SIRT2: variants seen among roughly 807,000 people sequenced by gnomAD.
SIRT2 encodes sirtuin 2.
SIRT2 carries 40 observed loss-of-function variants against 57.4 expected under a neutral mutation model. The observed-to-expected ratio is 0.70, with a 90% confidence interval of 0.54 to 0.91. The LOEUF (loss-of-function observed/expected upper bound fraction) is 0.91. Ranked by LOEUF, SIRT2 falls within the 40% of genes least tolerant of loss-of-function variation. The pLI is 0.00. For missense variants in SIRT2, 439 were observed against 510.4 expected (o/e 0.86, Z 1.35); for synonymous variants, 161 against 195.7 (o/e 0.82, Z 1.48).
At chr19:38,889,617 C>T (rs1351794599) in intron 7 of SIRT2, 72 bp downstream of exon 7, 3 of 1,556,132 alleles carry the variant, frequency 1.9e-6, no homozygotes, top group Non-Finnish European at 2.7e-6. Flanking sequence ...TCTGCAGGGC[C>T]TTGGCGGGGC....
rs1228808531 is a variant in SIRT2 at position 38,879,106 on chromosome 19, G to C, written c.*49C>G. The C allele has an allele frequency of 2.2e-5, 34 of 1,516,110 alleles. No individual in the cohort carries two copies. The highest frequency in any genetic ancestry group is 2.6e-5 in the Non-Finnish European group (29 of 1,136,504). 93.9% of individuals were successfully genotyped at this position (1,516,110 alleles called of 1,614,324 possible). On this transcript the variant is annotated 3_prime_UTR_variant, in exon 16 of 16. Coordinates refer to ENST00000249396, the MANE Select transcript of SIRT2 (RefSeq NM_012237.4). ...TAAGAGGGGGCCAGGCCCGGTTGGG[G>C]CTCAGCTGTCCCTGAGGAGCTCGGC...
In SIRT2 at chr19:38,899,528, G is replaced by A. The variant is rs761227715; in HGVS notation, c.-7C>T. On this transcript the variant is annotated 5_prime_UTR_variant, in exon 1 of 16. Transcript: ENST00000249396. ...CACGGTCTGGCTCTGCCATGGGCGC[G>A]GTGCTGAAGCCCTTGAGGCTGTCAC... 3 of 1,613,642 alleles carry A rather than the reference G, an allele frequency of 1.9e-6. No individual in the cohort carries two copies. Among genetic ancestry groups the A allele is most frequent in the South Asian group, 1.1e-5 (1 of 91,090 alleles).
intron 8 of SIRT2, among the ~76,000 whole-genome samples, chr19:38,884,208 G>A (rs1568398071): frequency 6.6e-6 from 1 of 151,550 alleles, no homozygotes; most frequent in Non-Finnish European, 1.5e-5. Flanking sequence ...TGCAAATTCA[G>A]GCCATTTGCT....
rs760845638 is a variant in SIRT2, at chr19:38,889,074, C to T, written c.501+13G>A. On this transcript the variant is annotated intron_variant, in intron 8 of 15. Transcript: ENST00000249396. ...CCGCCCATCCTCCTCCCAGGATGCT[C>T]GCATCCGCCTACCTGCGTGTAGCAG... 1.1e-5 allele frequency: 17 copies of T among 1,609,780 alleles called. No individual in the cohort carries two copies. Among genetic ancestry groups the T allele is most frequent in the Admixed American group, 1.7e-5 (1 of 59,996 alleles).
At position 38,881,020 on chromosome 19, in the gene SIRT2, AGGGCCCAGGCTGCCCCCATG is replaced by A. The variant is rs2144667700; in HGVS notation, c.747+60_747+79del. On this transcript the variant is annotated intron_variant, in intron 11 of 15. Coordinates refer to ENST00000249396, the MANE Select transcript of SIRT2 (RefSeq NM_012237.4). ...CTGGGGAGGTGACCTTTCCTGAGGC[AGGGCCCAGGCTGCCCCCATG>A]GGGCCCAGCACAGGTGGAGGCGGCG... 10 of 1,549,714 alleles carry A rather than the reference AGGGCCCAGGCTGCCCCCATG, an allele frequency of 6.5e-6. No individual in the cohort carries two copies. The East Asian group carries it at 6.8e-5, about 11-fold the overall frequency.
intron 4 of SIRT2, among the ~76,000 whole-genome samples, chr19:38,893,049 C>T (rs886713407): frequency 1.3e-5 from 2 of 151,786 alleles, no homozygotes; most frequent in African/African-American, 4.8e-5. Flanking sequence ...TTGACTCAAC[C>T]GGGACCAATG....
intron 1 of SIRT2, chr19:38,899,008 A>G (rs771513498): frequency 3.1e-5 from 6 of 191,572 alleles, no homozygotes; most frequent in Non-Finnish European, 5.6e-5. Context: ...GGTTAGATTT[A>G]CAAGGCAGAG....
At chr19:38,885,642 G>A (rs1429159363) in intron 8 of SIRT2, among the ~76,000 whole-genome samples, 3 of 149,618 alleles carry the variant, frequency 2.0e-5, no homozygotes, top group African/African-American at 4.9e-5. Context: ...CCAGGCTGGA[G>A]TGCAGTGGCG....
At chr19:38,881,374 G>A (rs1973149036) in intron 10 of SIRT2, 58 bp downstream of exon 10, 1 of 1,498,748 alleles carries the variant, frequency 6.7e-7, no homozygotes, top group African/African-American at 1.4e-5. Flanking sequence ...AGGGGGTCAG[G>A]GGGAGGAGGG....
rs757226911 is a variant in SIRT2, at chr19:38,893,849, CAG to C, written c.80_81del (p.Ser27Ter). The C allele has an allele frequency of 2.5e-6, 4 of 1,614,160 alleles. No individual in the cohort carries two copies. The East Asian group carries it at 6.7e-5, about 27-fold the overall frequency. ...GCTTCTCCACCAGCGGCTCCTCCCTCAGAGTCTGAATCTGAGTCCTGGAAGGG... is the reference window on the plus strand; with the variant it reads ...GCTTCTCCACCAGCGGCTCCTCCCTCAGTCTGAATCTGAGTCCTGGAAGGG... ...VQEAQDSDSD[S>X]EGGAAGGEAD... On this transcript the variant is annotated frameshift_variant, in exon 3 of 16. Coordinates refer to ENST00000249396, the MANE Select transcript of SIRT2 (RefSeq NM_012237.4). LOFTEE classifies it high-confidence loss of function.
At chr19:38,887,118 C>T (rs536437086) in intron 8 of SIRT2, among the ~76,000 whole-genome samples, 17 of 151,854 alleles carry the variant, frequency 1.1e-4, no homozygotes, top group Non-Finnish European at 1.8e-4. Context: ...TTGTATTTTT[C>T]GTAGAGATGG....
chr19:38,883,167 G>A (rs1240657704), intron 9 of SIRT2, among the ~76,000 whole-genome samples: 2 of 141,508 alleles, frequency 1.4e-5, no homozygotes, highest in East Asian at 4.3e-4. Context: ...TGCAGCCTCC[G>A]CCTCCCAGGT....
At position 38,893,430 on chromosome 19, in the gene SIRT2, G is replaced by C; in HGVS notation, c.210C>G (p.Tyr70Ter). ...GGGACTCACAGCGTTCGCTCTGCAT[G>C]TACCGGGCCACCCCTTCCAAGGTCA... Reference protein sequence around the residue: ...DELTLEGVARYMQSERCRRVI... With the variant: ...DELTLEGVAR The change falls in exon 4 of 16, where the codon TAC (tyrosine) becomes TAG (stop). Residue 70 changes from tyrosine (Y) to a stop codon, truncating the protein, a stop_gained. Transcript: ENST00000249396. LOFTEE classifies it high-confidence loss of function. 1 of 1,612,850 alleles carries C rather than the reference G, an allele frequency of 6.2e-7. No homozygotes were observed. Among genetic ancestry groups the C allele is most frequent in the South Asian group, 1.1e-5 (1 of 91,058 alleles).
In SIRT2 at chr19:38,899,528, G is replaced by T; in HGVS notation, c.-7C>A. ...CACGGTCTGGCTCTGCCATGGGCGC[G>T]GTGCTGAAGCCCTTGAGGCTGTCAC... On this transcript the variant is annotated 5_prime_UTR_variant, in exon 1 of 16. Transcript: ENST00000249396. 6.2e-7 allele frequency: 1 copy of T among 1,613,760 alleles called. No individual in the cohort carries two copies. Among genetic ancestry groups the T allele is most frequent in the Non-Finnish European group, 8.5e-7 (1 of 1,179,974 alleles).
chr19:38,891,409 C>T (rs553948770), intron 4 of SIRT2, among the ~76,000 whole-genome samples: 32 of 152,164 alleles, frequency 2.1e-4, no homozygotes, highest in African/African-American at 6.7e-4. Context: ...ATTAGCCGGG[C>T]GTGGTGGCAC....
In SIRT2 at chr19:38,879,414, G is replaced by T; in HGVS notation, c.1014+20C>A. 1 of 1,589,470 alleles carries T rather than the reference G, an allele frequency of 6.3e-7. No individual in the cohort carries two copies. Among genetic ancestry groups the T allele is most frequent in the Non-Finnish European group, 8.6e-7 (1 of 1,167,680 alleles). ...CCAGGGATGGGGCTCAGGACAGGCT[G>T]GGGTTGCTCAGCTCCTCACCTTCCA... On this transcript the variant is annotated intron_variant, in intron 15 of 15. Transcript: ENST00000249396.
chr19:38,889,215 G>A (rs11879010), intron 7 of SIRT2, 60 bp from the exon 8 acceptor site: 124,988 of 1,488,864 alleles, frequency 0.084, 8,271 homozygotes, highest in East Asian at 0.37. Flanking sequence ...GGCCACTGCC[G>A]CATGCCAGGA....
Position 38,879,171 on chromosome 19 carries a change from C to T in SIRT2, c.1154G>A (p.Arg385Lys). 6.3e-7 allele frequency: 1 copy of T among 1,575,294 alleles called. No homozygotes were observed. The highest frequency in any genetic ancestry group is 8.6e-7 in the Non-Finnish European group (1 of 1,167,594). Reference sequence around the variant, plus strand: ...ATGCAGCTGTCACTGGGGTTTCTCCCTCTCTGTTGTCCTGGCCTCGTCCTT... The same window carrying T: ...ATGCAGCTGTCACTGGGGTTTCTCCTTCTCTGTTGTCCTGGCCTCGTCCTT... ...PAKDEARTTEREKPQ is the reference protein window; with the variant it reads ...PAKDEARTTEKEKPQ Residue 385 changes from arginine to lysine, a missense_variant, in exon 16 of 16, where the codon AGG (arginine) becomes AAG (lysine). Arg to Lys is a conservative substitution (Grantham distance 26, BLOSUM62 2). Transcript: ENST00000249396.
chr19:38,898,601 T>A, intron 1 of SIRT2, 176 bp from the exon 2 acceptor site: 1 of 407,276 alleles, frequency 2.5e-6, no homozygotes, highest in East Asian at 3.5e-5. Context: ...CTTATCTACA[T>A]GCAAAGTGAT....
Sources: allele counts gnomAD v4.1 joint callset (sites outside exome capture counted in the v4.1 genomes callset), GRCh38; gene constraint gnomAD v4.1.1; transcripts MANE v1.5; gene names NCBI Gene and HGNC (gene_info 2026-07-23, HGNC 2026-07-21).